Variants in XNDC1N observed in about 807,000 individuals in gnomAD.
XNDC1N encodes the protein protein XNDC1N.
the XNDC1N span, among the ~76,000 whole-genome samples, chr11:71,911,395 A>C: frequency 3.3e-5 from 5 of 152,328 alleles, no homozygotes; most frequent in East Asian, 5.8e-4. Context: ...TCACTCTAGC[A>C]GACCTGACCT....
the XNDC1N span, among the ~76,000 whole-genome samples, chr11:71,905,844 T>A: frequency 3.0e-3 from 452 of 152,084 alleles, 2 homozygotes; most frequent in African/African-American, 0.01. Context: ...ATTACAAATA[T>A]TATCCCAGTG....
chr11:71,902,457 T>C, the XNDC1N span, among the ~76,000 whole-genome samples: 3,943 of 140,520 alleles, frequency 0.028, 2 homozygotes, highest in African/African-American at 0.085. Context: ...TCCCAAAGTG[T>C]TGGGATTACC....
the XNDC1N span, among the ~76,000 whole-genome samples, chr11:71,884,964 C>A: frequency 6.6e-6 from 1 of 151,906 alleles, no homozygotes; most frequent in Non-Finnish European, 1.5e-5. Context: ...CCCCACGATG[C>A]AGGGAGTAAG....
chr11:71,917,466 C>G, the XNDC1N span: 3 of 658,802 alleles, frequency 4.6e-6, no homozygotes, highest in Admixed American at 2.1e-5. Flanking sequence ...GCACACCATT[C>G]CTTAACCACC....
the XNDC1N span, among the ~76,000 whole-genome samples, chr11:71,920,327 A>G: frequency 6.8e-6 from 1 of 146,854 alleles, no homozygotes; most frequent in Non-Finnish European, 1.5e-5. Context: ...TTTTTTTTTG[A>G]GATGGAGTTT....
chr11:71,874,085 C>T, the XNDC1N span, among the ~76,000 whole-genome samples: 1 of 152,128 alleles, frequency 6.6e-6, no homozygotes, highest in African/African-American at 2.4e-5. Context: ...GAGGCCAAGG[C>T]AGGCGGATCA....
At chr11:71,898,060 T>C in the XNDC1N span, among the ~76,000 whole-genome samples, 5 of 152,164 alleles carry the variant, frequency 3.3e-5, no homozygotes, top group Non-Finnish European at 7.4e-5. Context: ...GGCGTGTGCC[T>C]ATAGTCCCAA....
chr11:71,917,175 G>A, the XNDC1N span: 9 of 450,272 alleles, frequency 2.0e-5, no homozygotes, highest in South Asian at 1.3e-4. Flanking sequence ...CACCATGCCC[G>A]GCTAATTTTT....
At chr11:71,903,071 G>T in the XNDC1N span, 1 of 525,340 alleles carries the variant, frequency 1.9e-6, no homozygotes, top group Non-Finnish European at 3.5e-6. Context: ...TCTGAAATCT[G>T]AAAACATTAC....
chr11:71,871,894 C>A, the XNDC1N span, among the ~76,000 whole-genome samples: 3 of 152,008 alleles, frequency 2.0e-5, no homozygotes, highest in Non-Finnish European at 4.4e-5. Context: ...TAAATGAGGG[C>A]CCTTTACAAT....
the XNDC1N span, chr11:71,928,126 G>A: frequency 3.3e-6 from 1 of 299,766 alleles, no homozygotes; most frequent in East Asian, 7.5e-5. Context: ...GGGGCCGCAG[G>A]ATGTGGGTTA....
At chr11:71,895,346 G>T in the XNDC1N span, among the ~76,000 whole-genome samples, 5 of 151,284 alleles carry the variant, frequency 3.3e-5, no homozygotes, top group Non-Finnish European at 7.4e-5. Flanking sequence ...TTTCACTCTT[G>T]TTGCCCAGGC....
chr11:71,897,268 A>T, the XNDC1N span, among the ~76,000 whole-genome samples: 4,266 of 152,314 alleles, frequency 0.028, 71 homozygotes, highest in East Asian at 0.08. Context: ...GCAGCAAAAA[A>T]CATGGCGAAC....
chr11:71,887,619 G>A, the XNDC1N span, among the ~76,000 whole-genome samples: 3 of 152,192 alleles, frequency 2.0e-5, no homozygotes, highest in Non-Finnish European at 4.4e-5. Flanking sequence ...CCGGTCCCCA[G>A]AGAAGCCCTT....
chr11:71,883,701 A>G, the XNDC1N span, among the ~76,000 whole-genome samples: 1 of 152,180 alleles, frequency 6.6e-6, no homozygotes, highest in Non-Finnish European at 1.5e-5. Flanking sequence ...TTAACTTATA[A>G]ATTGTAACAA....
the XNDC1N span, among the ~76,000 whole-genome samples, chr11:71,908,926 G>A: frequency 1.3e-5 from 2 of 152,166 alleles, no homozygotes; most frequent in Non-Finnish European, 2.9e-5. Flanking sequence ...AGGCTAAAGC[G>A]AGACAGAGAA....
the XNDC1N span, chr11:71,917,001 A>ATATTATTATTATTATTATTATTAT: frequency 1.1e-5 from 2 of 175,980 alleles, no homozygotes; most frequent in African/African-American, 4.8e-5. Flanking sequence ...CCACAAAAAC[A>ATATTATTATTATTATTATTATTAT]TATTATTGTT....
the XNDC1N span, among the ~76,000 whole-genome samples, chr11:71,913,902 G>A: frequency 1.3e-5 from 2 of 152,136 alleles, no homozygotes; most frequent in African/African-American, 4.8e-5. Flanking sequence ...GAACAGCAAA[G>A]CCTAGATGAC....
chr11:71,911,048 G>A, the XNDC1N span, among the ~76,000 whole-genome samples: 3 of 152,370 alleles, frequency 2.0e-5, no homozygotes, highest in African/African-American at 4.8e-5. Context: ...GGCCCAGGCC[G>A]AGGCCAGTGG....
Sources: allele counts gnomAD v4.1 joint callset (sites outside exome capture counted in the v4.1 genomes callset), GRCh38; gene constraint gnomAD v4.1.1; transcripts MANE v1.5; gene names NCBI Gene and HGNC (gene_info 2026-07-23, HGNC 2026-07-21).